The following PDE12 variants were observed in gnomAD, a reference collection of about 807,000 sequenced individuals.
The protein encoded by PDE12 is phosphodiesterase 12.
A neutral mutation model predicts 45.4 loss-of-function variants in PDE12; 26 were observed. The observed-to-expected ratio is 0.57, with a 90% confidence interval of 0.42 to 0.79. The LOEUF (loss-of-function observed/expected upper bound fraction) is 0.79. PDE12 is among the 30% of genes least tolerant of loss of function. PDE12 has a pLI of 0.00. For missense variants in PDE12, 668 were observed against 790.0 expected, an observed-to-expected ratio of 0.85 and a Z score of 1.85; for synonymous variants, 283 against 323.9, an observed-to-expected ratio of 0.87 and a Z score of 1.36.
At chr3:57,612,724 T>G in the PDE12 span, among the ~76,000 whole-genome samples, 2 of 150,508 alleles carry the variant, frequency 1.3e-5, no homozygotes, top group Non-Finnish European at 1.5e-5. Flanking sequence ...TGAGCTGATA[T>G]TATGCCACTG....
chr3:57,559,240 C>A, intron 1 of PDE12, 70 bp from the exon 2 acceptor site: 1 of 1,322,000 alleles, frequency 7.6e-7, no homozygotes. Context: ...AAAAAACAAA[C>A]AAACAAACAA....
downstream of PDE12, among the ~76,000 whole-genome samples, chr3:57,568,809 A>G (rs1645929719): frequency 6.6e-6 from 1 of 151,796 alleles, no homozygotes; most frequent in Non-Finnish European, 1.5e-5. Context: ...CATCACAGAA[A>G]AGCAGCTTAT....
chr3:57,648,135 T>G, the PDE12 span, among the ~76,000 whole-genome samples: 1 of 152,172 alleles, frequency 6.6e-6, no homozygotes, highest in African/African-American at 2.4e-5. Flanking sequence ...AAAAACCTCC[T>G]AGAACTGGTA....
the PDE12 span, among the ~76,000 whole-genome samples, chr3:57,636,681 A>C: frequency 2.6e-5 from 4 of 152,186 alleles, no homozygotes; most frequent in Admixed American, 6.5e-5. Context: ...TCACGCCTGT[A>C]ATCTCAGCAC....
At chr3:57,572,318 A>C in the PDE12 span, 2 of 1,576,252 alleles carry the variant, frequency 1.3e-6, no homozygotes, top group Non-Finnish European at 1.7e-6. Context: ...GAAGACAAGA[A>C]AATACTTGAT....
At chr3:57,595,171 T>C in the PDE12 span, among the ~76,000 whole-genome samples, 2 of 152,190 alleles carry the variant, frequency 1.3e-5, no homozygotes, top group Non-Finnish European at 2.9e-5. Flanking sequence ...TATATGAAAA[T>C]GCTGGTAGCA....
downstream of PDE12, among the ~76,000 whole-genome samples, chr3:57,568,088 A>G (rs1377461925): frequency 2.0e-5 from 3 of 150,772 alleles, no homozygotes; most frequent in Admixed American, 6.6e-5. Flanking sequence ...AAAAAAAAAA[A>G]AAAAAGTAAA....
chr3:57,648,026 G>C, the PDE12 span, among the ~76,000 whole-genome samples: 3 of 152,074 alleles, frequency 2.0e-5, no homozygotes, highest in Non-Finnish European at 2.9e-5. Context: ...AATCAGAGAA[G>C]AGAAAGAAAT....
the PDE12 span, among the ~76,000 whole-genome samples, chr3:57,607,345 C>T: frequency 5.6e-3 from 858 of 152,234 alleles, 7 homozygotes; most frequent in Non-Finnish European, 8.7e-3. Context: ...TCTCCCCCTC[C>T]GAAGGAACGC....
At chr3:57,575,531 A>AGAT in the PDE12 span, 2 of 1,602,472 alleles carry the variant, frequency 1.2e-6, no homozygotes, top group Admixed American at 3.5e-5. Context: ...GGTTAATATC[A>AGAT]ACCTCCAAAT....
At chr3:57,577,203 GC>G in the PDE12 span, 45 of 828,416 alleles carry the variant, frequency 5.4e-5, no homozygotes, top group Middle Eastern at 2.3e-4. Flanking sequence ...TTTATTTCTA[GC>G]CCCCCCAATC....
At chr3:57,631,716 CTTTTTTT>C in the PDE12 span, among the ~76,000 whole-genome samples, 4 of 92,014 alleles carry the variant, frequency 4.3e-5, no homozygotes, top group African/African-American at 1.6e-4. Context: ...TCTCTGCTCT[CTTTTTTT>C]TTTTTTTTTT....
At chr3:57,570,272 C>T (rs576872593), downstream of PDE12, among the ~76,000 whole-genome samples, 18 of 120,230 alleles carry the variant, frequency 1.5e-4, no homozygotes, top group South Asian at 5.1e-3. Context: ...TGTGCAGTGG[C>T]GCTATGTTGG....
the PDE12 span, among the ~76,000 whole-genome samples, chr3:57,585,196 T>C: frequency 6.6e-6 from 1 of 152,228 alleles, no homozygotes; most frequent in South Asian, 2.1e-4. Context: ...AAATTAGAAG[T>C]TGATTCAGAC....
rs956430691 is a variant in PDE12, at chr3:57,561,333, T to A, written c.*1329T>A. On this transcript the variant is annotated 3_prime_UTR_variant, in exon 3 of 3. Transcript: ENST00000311180. ...TTTTATAAACAGGAAAAAGGTTGAG[T>A]AGTGGGACTTTTAAGCATCTCTGAA... 1 of 984,824 alleles carries A rather than the reference T, an allele frequency of 1.0e-6. No homozygotes were observed. Among genetic ancestry groups the A allele is most frequent in the East Asian group, 1.1e-4 (1 of 8,826 alleles). The allele number at this position is 984,824 out of a possible 1,614,324, so 61.0% of individuals were successfully genotyped here. A position where few individuals can be genotyped will look rare whatever the true frequency, so the allele number is the denominator to read the frequency against.
At chr3:57,628,246 G>A in the PDE12 span, 1 of 1,613,800 alleles carries the variant, frequency 6.2e-7, no homozygotes, top group South Asian at 1.1e-5. Flanking sequence ...AGTATGCCTT[G>A]CAAGTCCTCT....
chr3:57,573,212 A>AAAAG, the PDE12 span, among the ~76,000 whole-genome samples: 3 of 151,700 alleles, frequency 2.0e-5, no homozygotes, highest in African/African-American at 7.3e-5. Flanking sequence ...AAAAAAAAAA[A>AAAAG]AAAGAAAGAA....
Position 57,559,813 on chromosome 3 carries a change from CCTGCTTACA to C in PDE12, c.1641_1649del (p.Ala548_Thr550del). 1 of 1,614,152 alleles carries C rather than the reference CCTGCTTACA, an allele frequency of 6.2e-7. No homozygotes were observed. Among genetic ancestry groups the C allele is most frequent in the Non-Finnish European group, 8.5e-7 (1 of 1,180,026 alleles). ...CAAGCTGAAAAGTGCTTGTGGTGAA[CCTGCTTACA>C]CAAATTATGTTGGTGGCTTTCATGG... is the stretch of plus-strand genomic sequence containing the variant. On this transcript the variant is annotated inframe_deletion, in exon 3 of 3. Coordinates refer to ENST00000311180, the MANE Select transcript of PDE12 (RefSeq NM_177966.7).
At chr3:57,652,198 C>T in the PDE12 span, among the ~76,000 whole-genome samples, 1 of 152,166 alleles carries the variant, frequency 6.6e-6, no homozygotes, top group African/African-American at 2.4e-5. Context: ...TGACAATGTA[C>T]AACTTTGAAG....
Sources: allele counts gnomAD v4.1 joint callset (sites outside exome capture counted in the v4.1 genomes callset), GRCh38; gene constraint gnomAD v4.1.1; transcripts MANE v1.5; gene names NCBI Gene and HGNC (gene_info 2026-07-23, HGNC 2026-07-21).